The following ZNF821 variants were observed in gnomAD, a reference collection of about 807,000 sequenced individuals.
The protein encoded by ZNF821 is zinc finger protein 821.
A neutral mutation model predicts 44.3 loss-of-function variants in ZNF821; 16 were observed. The ratio of observed to expected loss-of-function variants is 0.36; its 90% CI spans 0.24 to 0.55. The LOEUF (loss-of-function observed/expected upper bound fraction) is 0.55. Among genes scored for constraint, ZNF821 ranks in the 20% least tolerant of loss-of-function variants. The pLI is 0.86. For missense variants in ZNF821, 436 were observed against 547.6 expected (o/e 0.80, Z 2.03); for synonymous variants, 204 against 197.6 (o/e 1.03, Z -0.27).
chr16:71,873,729 T>C (rs2035481968), intron 3 of ZNF821, among the ~76,000 whole-genome samples: 1 of 151,344 alleles, frequency 6.6e-6, no homozygotes, highest in Non-Finnish European at 1.5e-5. Context: ...TCATAGCTCA[T>C]TGCAGCCTTG....
intron 4 of ZNF821, among the ~76,000 whole-genome samples, chr16:71,867,493 C>A (rs2034680450): frequency 6.6e-6 from 1 of 152,036 alleles, no homozygotes. Flanking sequence ...TCGATACCAG[C>A]CTGACCAACA....
At chr16:71,865,812 T>A (rs1315906198) in intron 4 of ZNF821, among the ~76,000 whole-genome samples, 1 of 152,214 alleles carries the variant, frequency 6.6e-6, no homozygotes, top group Non-Finnish European at 1.5e-5. Flanking sequence ...CGGGCCATTC[T>A]TTAGGATGAA....
rs149386302 is a variant in ZNF821, at chr16:71,875,516, C to G, written c.40+4391G>C. 5.0e-3 allele frequency among the ~76,000 whole-genome samples: 740 copies of G among 148,996 alleles called. 4 individuals are homozygous for G. Among genetic ancestry groups the G allele is most frequent in the Non-Finnish European group, 6.7e-3 (453 of 67,484 alleles). On this transcript the variant is annotated intron_variant, in intron 3 of 7. Coordinates refer to ENST00000425432, the MANE Select transcript of ZNF821 (RefSeq NM_001201552.2). ...TCACCCAGGCTGGAGCGCAGTGGTG[C>G]GATCTCGGCTCACTGCAAGCTCCAC...
At chr16:71,877,007 G>A (rs780473037) in intron 3 of ZNF821, among the ~76,000 whole-genome samples, 1 of 152,130 alleles carries the variant, frequency 6.6e-6, no homozygotes, top group Non-Finnish European at 1.5e-5. Context: ...CCACTCATCT[G>A]TGTATTAAGT....
chr16:71,878,809 T>C (rs2036126689), intron 3 of ZNF821, among the ~76,000 whole-genome samples: 1 of 151,344 alleles, frequency 6.6e-6, no homozygotes, highest in South Asian at 2.1e-4. Flanking sequence ...GCGAGCACCT[T>C]AATCCCAGCT....
intron 3 of ZNF821, among the ~76,000 whole-genome samples, chr16:71,873,894 TCTC>T (rs2035503518): frequency 6.6e-6 from 1 of 151,536 alleles, no homozygotes; most frequent in Admixed American, 6.6e-5. Flanking sequence ...CTCAAGCAAT[TCTC>T]CTGTCTCAGA....
chr16:71,893,930 C>G (rs2036914330), intron 1 of ZNF821: 1 of 150,990 alleles, frequency 6.6e-6, no homozygotes, highest in Non-Finnish European at 1.5e-5. Context: ...ACACGCCTGG[C>G]TAATTTTTTC....
At chr16:71,879,271 C>A (rs970876370) in intron 3 of ZNF821, among the ~76,000 whole-genome samples, 1 of 152,088 alleles carries the variant, frequency 6.6e-6, no homozygotes, top group Non-Finnish European at 1.5e-5. Context: ...TGTGGATTCC[C>A]GCTTCTGTCT....
At chr16:71,894,985 C>T in exon 1 of ZNF821, 1 of 681,036 alleles carries the variant, frequency 1.5e-6, no homozygotes, top group Non-Finnish European at 2.5e-6. Context: ...CAAAGGGCAA[C>T]CGGACGGCTT....
chr16:71,889,184 G>A (rs771932906), upstream of ZNF821, among the ~76,000 whole-genome samples: 51 of 152,150 alleles, frequency 3.4e-4, no homozygotes, highest in Non-Finnish European at 6.8e-4. Flanking sequence ...GCTGCAGGGA[G>A]CTGTGATAGT....
At chr16:71,872,612 CA>C (rs1371132625) in intron 3 of ZNF821, among the ~76,000 whole-genome samples, 1 of 149,744 alleles carries the variant, frequency 6.7e-6, no homozygotes. Context: ...GACTCCGTCT[CA>C]AAAAAAAGAA....
chr16:71,880,107 C>T lies in ZNF821; in HGVS notation c.-77-84G>A. On this transcript the variant is annotated intron_variant, in intron 2 of 7. Coordinates refer to ENST00000425432, the MANE Select transcript of ZNF821 (RefSeq NM_001201552.2). ...TTAAAGATAAAATGTCCTTAAAAAACAGCTCCTGAGCATATAAAACTCACC... is the reference window on the plus strand; with the variant it reads ...TTAAAGATAAAATGTCCTTAAAAAATAGCTCCTGAGCATATAAAACTCACC... 5.0e-6 allele frequency: 3 copies of T among 605,246 alleles called. No homozygotes were observed. The South Asian group carries it at 7.9e-5, about 16-fold the overall frequency. The allele number at this position is 605,246 out of a possible 1,614,324, so 37.5% of individuals were successfully genotyped here. A position where few individuals can be genotyped will look rare whatever the true frequency, so the allele number is the denominator to read the frequency against.
At chr16:71,874,355 G>A (rs541528939) in intron 3 of ZNF821, among the ~76,000 whole-genome samples, 8 of 152,236 alleles carry the variant, frequency 5.3e-5, no homozygotes, top group East Asian at 3.9e-4. Context: ...AAGCTCAGCC[G>A]TTACTCTGCT....
chr16:71,891,181 T>G (rs1597221702), intron 1 of ZNF821, among the ~76,000 whole-genome samples: 1 of 152,320 alleles, frequency 6.6e-6, no homozygotes, highest in Non-Finnish European at 1.5e-5. Flanking sequence ...TATAGATTCT[T>G]ATTTTATTGG....
chr16:71,887,907 A>C (rs1597220990), upstream of ZNF821, among the ~76,000 whole-genome samples: 2 of 139,676 alleles, frequency 1.4e-5, no homozygotes, highest in South Asian at 4.4e-4. Context: ...CCCAGGCTGG[A>C]GTGCAGCACA....
chr16:71,886,068 T>C (rs111344390), upstream of ZNF821, among the ~76,000 whole-genome samples: 153 of 152,290 alleles, frequency 1.0e-3, 2 homozygotes, highest in African/African-American at 3.5e-3. Context: ...CCAGTGAAAT[T>C]TCTTGGATGC....
intron 3 of ZNF821, among the ~76,000 whole-genome samples, chr16:71,870,044 G>A (rs545332765): frequency 2.6e-5 from 4 of 152,270 alleles, no homozygotes; most frequent in African/African-American, 7.2e-5. Context: ...TGTGAGAACG[G>A]CTCTGATCCT....
Position 71,880,023 on chromosome 16 carries a change from C to A in ZNF821, c.-77G>T. 7.2e-7 allele frequency: 1 copy of A among 1,392,476 alleles called. No homozygotes were observed. The highest frequency in any genetic ancestry group is 1.0e-6 in the Non-Finnish European group (1 of 1,004,494). The allele number at this position is 1,392,476 out of a possible 1,614,324, so 86.3% of individuals were successfully genotyped here. A position where few individuals can be genotyped will look rare whatever the true frequency, so the allele number is the denominator to read the frequency against. Reference sequence around the variant, plus strand: ...TTACTACCTCCTTGCAAGATGCTAACCTGCAATAAAAAAGGTTATTGTTAG... The same window carrying A: ...TTACTACCTCCTTGCAAGATGCTAAACTGCAATAAAAAAGGTTATTGTTAG... On this transcript the variant is annotated splice_region_variant and 5_prime_UTR_variant, in exon 3 of 8. Coordinates refer to ENST00000425432, the MANE Select transcript of ZNF821 (RefSeq NM_001201552.2).
intron 7 of ZNF821, among the ~76,000 whole-genome samples, chr16:71,861,011 A>T (rs1353328570): frequency 6.6e-6 from 1 of 151,978 alleles, no homozygotes; most frequent in African/African-American, 2.4e-5. Flanking sequence ...GCACGCCACC[A>T]CGCCCGGCTA....
Sources: allele counts gnomAD v4.1 joint callset (sites outside exome capture counted in the v4.1 genomes callset), GRCh38; gene constraint gnomAD v4.1.1; transcripts MANE v1.5; gene names NCBI Gene and HGNC (gene_info 2026-07-23, HGNC 2026-07-21).